Variants in C2orf81 observed in about 807,000 individuals in gnomAD.
The protein encoded by C2orf81 is chromosome 2 open reading frame 81, also known as uncharacterized protein C2orf81.
A neutral mutation model predicts 7.9 loss-of-function variants in C2orf81; 5 were observed. The observed-to-expected ratio is 0.63, with a 90% CI of 0.33 to 1.33. The LOEUF (loss-of-function observed/expected upper bound fraction) is 1.33. C2orf81 is among the 40% of genes most tolerant of loss of function. The pLI is 0.05. For missense variants in C2orf81, 781 were observed against 830.4 expected, an observed-to-expected ratio of 0.94 and a Z score of 0.73; for synonymous variants, 346 against 367.4, an observed-to-expected ratio of 0.94 and a Z score of 0.66.
At position 74,415,733 on chromosome 2, in the gene C2orf81, C is replaced by T. The variant is rs997589141; in HGVS notation, c.444G>A (p.Glu148=). 1.9e-6 allele frequency: 3 copies of T among 1,551,484 alleles called. No homozygotes were observed. Among genetic ancestry groups the T allele is most frequent in the African/African-American group, 2.7e-5 (2 of 73,068 alleles). Residue 148 remains glutamate, a synonymous_variant, in exon 3 of 3, where the codon GAG becomes GAA. Coordinates refer to ENST00000684111, the MANE Select transcript of C2orf81 (RefSeq NM_001316764.3). The surrounding 1 kb of genome is among the most constrained non-coding windows in gnomAD (Gnocchi z 5.5). ...CTTCGCCTTGGAAGTTCTCCAGGCCCTCCGAGGTGGACGCGTGCAGCACGG... is the reference window on the plus strand; with the variant it reads ...CTTCGCCTTGGAAGTTCTCCAGGCCTTCCGAGGTGGACGCGTGCAGCACGG... ...SVPVLHASTS[E]GLENFQGEVH...
chr2:74,418,540 G>A (rs548954299), intron 1 of C2orf81: 4 of 811,956 alleles, frequency 4.9e-6, no homozygotes, highest in South Asian at 2.9e-5. Context: ...GGGAGCAGCG[G>A]TGCTGGGCGC....
intron 1 of C2orf81, among the ~76,000 whole-genome samples, chr2:74,420,452 C>T (rs539892411): frequency 5.1e-4 from 77 of 152,284 alleles, no homozygotes; most frequent in Non-Finnish European, 5.3e-4. Context: ...CCTATTGCCC[C>T]GCTAAAACCT....
chr2:74,416,857 C>A (rs772275991), intron 1 of C2orf81, among the ~76,000 whole-genome samples: 10 of 151,808 alleles, frequency 6.6e-5, no homozygotes, highest in Non-Finnish European at 1.5e-4. Context: ...CAAGTAATTG[C>A]AAATAGGAAA....
Position 74,414,268 on chromosome 2 carries a change from G to T in C2orf81, c.*61C>A. 1 of 1,384,324 alleles carries T rather than the reference G, an allele frequency of 7.2e-7. No homozygotes were observed. The allele number at this position is 1,384,324 out of a possible 1,614,324, so 85.8% of individuals were successfully genotyped here. A position where few individuals can be genotyped will look rare whatever the true frequency, so the allele number is the denominator to read the frequency against. ...GAGGCTCAGGGATCAGAGGGAGGCA[G>T]CAGGCTTAGAGGAGCGTGACCACAC... On this transcript the variant is annotated 3_prime_UTR_variant, in exon 3 of 3. Transcript: ENST00000684111. This position sits in a 1 kb window ranked among gnomAD's most constrained non-coding sequence, Gnocchi z 5.3.
chr2:74,418,128 C>A lies in C2orf81; in HGVS notation c.19-1887G>T. On this transcript the variant is annotated intron_variant, in intron 1 of 2. Coordinates refer to ENST00000684111, the MANE Select transcript of C2orf81 (RefSeq NM_001316764.3). ...GTCCAGTCCCAGAAGGAAGCTGCTC[C>A]TCCAGTGAGGACTCCTGCGAGATGC... The A allele has an allele frequency of 5.0e-6, 4 of 798,834 alleles. No individual in the cohort carries two copies. The Admixed American group carries it at 8.1e-5, about 16-fold the overall frequency. 49.5% of individuals were successfully genotyped at this position (798,834 alleles called of 1,614,324 possible).
intron 1 of C2orf81, among the ~76,000 whole-genome samples, chr2:74,420,773 T>C (rs921921271): frequency 3.2e-4 from 7 of 22,170 alleles, no homozygotes. Context: ...CTTCTTCTTC[T>C]TTTTTTTTTT....
intron 1 of C2orf81, among the ~76,000 whole-genome samples, chr2:74,417,115 A>G (rs573900038): frequency 6.6e-6 from 1 of 152,352 alleles, no homozygotes; most frequent in East Asian, 1.9e-4. Flanking sequence ...TGGCGCTGCT[A>G]GCAGCAGCAA....
rs767765722 is a variant in C2orf81, at chr2:74,415,018, G to A, written c.1159C>T (p.Arg387Cys). The A allele has an allele frequency of 1.4e-5, 22 of 1,548,392 alleles. No homozygotes were observed. The highest frequency in any genetic ancestry group is 1.7e-5 in the Non-Finnish European group (20 of 1,145,914). Residue 387 changes from arginine to cysteine, a missense_variant, in exon 3 of 3, where the codon CGC becomes TGC. Arg to Cys is a radical substitution (Grantham distance 180, BLOSUM62 -3). Coordinates refer to ENST00000684111, the MANE Select transcript of C2orf81 (RefSeq NM_001316764.3). The surrounding 1 kb of genome is among the most constrained non-coding windows in gnomAD (Gnocchi z 5.5). ...GGGACCAGGACCTCAGCCAGAGGGC[G>A]CACCCAGTGGCACGGGAGCCTCGCA... ...DPARLPCHWV[R>C]PLAEVLVPDS...
chr2:74,418,064 G>A (rs1410496148), intron 1 of C2orf81: 2 of 552,976 alleles, frequency 3.6e-6, no homozygotes, highest in Non-Finnish European at 6.7e-6. Context: ...GGGAAGGGGT[G>A]GGGGGTGGGA....
rs1202437137 is a variant in C2orf81 at position 74,415,366 on chromosome 2, C to T, written c.811G>A (p.Asp271Asn). The T allele has an allele frequency of 6.6e-7, 1 of 1,516,194 alleles. No individual in the cohort carries two copies. Among genetic ancestry groups the T allele is most frequent in the East Asian group, 2.5e-5 (1 of 40,396 alleles). 93.9% of individuals were successfully genotyped at this position (1,516,194 alleles called of 1,614,324 possible). ...TACGGATCCAGAGAAGGGTCGGCAT[C>T]GTCGGCAGGCGCCTCCTCCACCGAC... Reference protein sequence around the residue: ...QLSVEEAPADDADPSLDPYLV... With the variant: ...QLSVEEAPADNADPSLDPYLV... The change falls in exon 3 of 3, where the codon GAT becomes AAT. Residue 271 changes from aspartate (D) to asparagine (N), a missense_variant. Coordinates refer to ENST00000684111, the MANE Select transcript of C2orf81 (RefSeq NM_001316764.3). This position sits in a 1 kb window ranked among gnomAD's most constrained non-coding sequence, Gnocchi z 5.5.
At position 74,414,467 on chromosome 2, in the gene C2orf81, G is replaced by C; in HGVS notation, c.1710C>G (p.Ala570=). Residue 570 remains alanine (A), a synonymous_variant, in exon 3 of 3, where the codon GCC becomes GCG. Coordinates refer to ENST00000684111, the MANE Select transcript of C2orf81 (RefSeq NM_001316764.3). The surrounding 1 kb of genome is among the most constrained non-coding windows in gnomAD (Gnocchi z 5.3). The part of the protein sequence containing the change: ...PVLLPEALKL[A]PGVSMWNRST... ...TCCGGTTCCACATGCTCACACCAGG[G>C]GCCAGCTTCAGGGCTTCTGGCAGCA... is the stretch of plus-strand genomic sequence containing the variant. 6.4e-7 allele frequency: 1 copy of C among 1,551,132 alleles called. No individual in the cohort carries two copies. Among genetic ancestry groups the C allele is most frequent in the South Asian group, 1.2e-5 (1 of 84,024 alleles).
At position 74,414,595 on chromosome 2, in the gene C2orf81, C is replaced by G; in HGVS notation, c.1582G>C (p.Gly528Arg). Residue 528 changes from glycine (G) to arginine (R), a missense_variant, in exon 3 of 3, where the codon GGT (glycine) becomes CGT (arginine). By Grantham distance (125) the Gly-to-Arg change is moderately radical. Coordinates refer to ENST00000684111, the MANE Select transcript of C2orf81 (RefSeq NM_001316764.3). The surrounding 1 kb of genome is among the most constrained non-coding windows in gnomAD (Gnocchi z 5.3). Reference sequence around the variant, plus strand: ...CCCTCCCTGTCTGCCAGCTCCAGACCCTGTGGAGGCACGCGGGTCCGGCCA... The same window carrying G: ...CCCTCCCTGTCTGCCAGCTCCAGACGCTGTGGAGGCACGCGGGTCCGGCCA... The part of the protein sequence containing the change: ...WAGRTRVPPQ[G>R]LELADREGQD... 19 of 1,549,160 alleles carry G rather than the reference C, an allele frequency of 1.2e-5. No individual in the cohort carries two copies. The highest frequency in any genetic ancestry group is 1.7e-5 in the Non-Finnish European group (19 of 1,145,346).
At chr2:74,418,428 G>A in intron 1 of C2orf81, 1 of 1,563,976 alleles carries the variant, frequency 6.4e-7, no homozygotes, top group Non-Finnish European at 8.8e-7. Flanking sequence ...TGGACTTCGA[G>A]CTCGACTCGC....
rs982678142 is a variant in C2orf81, at chr2:74,414,247, C to A, written c.*82G>T. ...AGGGACCAGTTACTACTGCCAGAGG[C>A]TCAGGGATCAGAGGGAGGCAGCAGG... On this transcript the variant is annotated 3_prime_UTR_variant, in exon 3 of 3. Coordinates refer to ENST00000684111, the MANE Select transcript of C2orf81 (RefSeq NM_001316764.3). This position sits in a 1 kb window ranked among gnomAD's most constrained non-coding sequence, Gnocchi z 5.3. 3.0e-6 allele frequency: 4 copies of A among 1,339,414 alleles called. No homozygotes were observed. Among genetic ancestry groups the A allele is most frequent in the African/African-American group, 1.5e-5 (1 of 67,444 alleles). 83.0% of individuals were successfully genotyped at this position (1,339,414 alleles called of 1,614,324 possible).
intron 1 of C2orf81, 87 bp from the exon 2 acceptor site, chr2:74,416,328 G>T: frequency 2.1e-6 from 2 of 975,172 alleles, no homozygotes; most frequent in East Asian, 6.1e-5. Context: ...GCTTTCTCAA[G>T]TTGTCTAGTG....
Position 74,415,256 on chromosome 2 carries a change from C to T in C2orf81, c.921G>A (p.Met307Ile). ...HLSLEDLYCC[M>I]PQLDAAGDRL... Reference sequence around the variant, plus strand: ...GATCCCCAGCCGCGTCCAGTTGAGGCATGCAACAGTAGAGGTCTTCCAACG... The same window carrying T: ...GATCCCCAGCCGCGTCCAGTTGAGGTATGCAACAGTAGAGGTCTTCCAACG... Residue 307 changes from methionine (M) to isoleucine (I), a missense_variant, in exon 3 of 3, where the codon ATG becomes ATA. By Grantham distance (10) the Met-to-Ile change is conservative (BLOSUM62 1). Coordinates refer to ENST00000684111, the MANE Select transcript of C2orf81 (RefSeq NM_001316764.3). The surrounding 1 kb of genome is among the most constrained non-coding windows in gnomAD (Gnocchi z 5.5). 1 of 1,551,378 alleles carries T rather than the reference C, an allele frequency of 6.4e-7. No homozygotes were observed. Among genetic ancestry groups the T allele is most frequent in the Non-Finnish European group, 8.7e-7 (1 of 1,146,990 alleles).
At position 74,415,237 on chromosome 2, in the gene C2orf81, C is replaced by G; in HGVS notation, c.940G>C (p.Gly314Arg). The G allele has an allele frequency of 1.3e-6, 2 of 1,551,508 alleles. No individual in the cohort carries two copies. Among genetic ancestry groups the G allele is most frequent in the Non-Finnish European group, 1.7e-6 (2 of 1,146,994 alleles). Reference sequence around the variant, plus strand: ...TCTGACCTGAGTTCCAGCCGATCCCCAGCCGCGTCCAGTTGAGGCATGCAA... The same window carrying G: ...TCTGACCTGAGTTCCAGCCGATCCCGAGCCGCGTCCAGTTGAGGCATGCAA... ...YCCMPQLDAA[G>R]DRLELRSEGV... The change falls in exon 3 of 3, where the codon GGG becomes CGG. Residue 314 changes from glycine to arginine, a missense_variant. Coordinates refer to ENST00000684111, the MANE Select transcript of C2orf81 (RefSeq NM_001316764.3). This position sits in a 1 kb window ranked among gnomAD's most constrained non-coding sequence, Gnocchi z 5.5.
chr2:74,414,619 C>T lies in C2orf81; in HGVS notation c.1558G>A (p.Gly520Ser). The T allele has an allele frequency of 1.3e-6, 2 of 1,550,072 alleles. No individual in the cohort carries two copies. Among genetic ancestry groups the T allele is most frequent in the Non-Finnish European group, 1.7e-6 (2 of 1,145,990 alleles). ...CCCTGTGGAGGCACGCGGGTCCGGCCAGCCCACAGCTCGCCCAGCAGCTCG... is the reference window on the plus strand; with the variant it reads ...CCCTGTGGAGGCACGCGGGTCCGGCTAGCCCACAGCTCGCCCAGCAGCTCG... ...KAELLGELWA[G>S]RTRVPPQGLE... The change falls in exon 3 of 3, where the codon GGC (glycine) becomes AGC (serine). Residue 520 changes from glycine to serine, a missense_variant. By Grantham distance (56) the Gly-to-Ser change is moderately conservative. Transcript: ENST00000684111. The surrounding 1 kb of genome is among the most constrained non-coding windows in gnomAD (Gnocchi z 5.3).
chr2:74,417,393 G>A (rs969362700), intron 1 of C2orf81: 2 of 1,308,940 alleles, frequency 1.5e-6, no homozygotes, highest in Non-Finnish European at 2.0e-6. Context: ...TGGACAATAG[G>A]TGACTGCATC....
Sources: allele counts gnomAD v4.1 joint callset (sites outside exome capture counted in the v4.1 genomes callset), GRCh38; gene constraint gnomAD v4.1.1; non-coding constraint Gnocchi (gnomAD v3.1); transcripts MANE v1.5; gene names NCBI Gene and HGNC (gene_info 2026-07-23, HGNC 2026-07-21).